The following ZNF843 variants were observed in gnomAD, a reference collection of about 807,000 sequenced individuals.
ZNF843 encodes the protein zinc finger protein 843.
For synonymous variants in ZNF843, 185 were observed against 207.7 expected, an observed-to-expected ratio of 0.89 and a Z score of 0.94; for missense variants, 482 against 469.4, an observed-to-expected ratio of 1.03 and a Z score of -0.25.
chr16:31,440,344 C>T (rs942858741), intron 1 of ZNF843, among the ~76,000 whole-genome samples: 3 of 152,234 alleles, frequency 2.0e-5, no homozygotes, highest in African/African-American at 7.2e-5. Flanking sequence ...GCTTTGCCAA[C>T]ATGCATATGC....
At chr16:31,440,960 T>C (rs1199243811) in intron 1 of ZNF843, among the ~76,000 whole-genome samples, 1 of 152,240 alleles carries the variant, frequency 6.6e-6, no homozygotes, top group East Asian at 1.9e-4. Flanking sequence ...CCTGTGACTA[T>C]AACTCCTCTC....
Position 31,437,066 on chromosome 16 carries a change from C to T in ZNF843, c.-217G>A, listed in dbSNP as rs578085367. 5 of 553,930 alleles carry T rather than the reference C, an allele frequency of 9.0e-6. No individual in the cohort carries two copies. Among genetic ancestry groups the T allele is most frequent in the African/African-American group, 3.8e-5 (2 of 53,034 alleles). The allele number at this position is 553,930 out of a possible 1,614,324, so 34.3% of individuals were successfully genotyped here. On this transcript the variant is annotated 5_prime_UTR_variant, in exon 2 of 2. Transcript: ENST00000315678. ...ATCTGAAGGTGTTTCTTGAGGCTCT[C>T]GGGCATGTCCCTGGGTGTTCCCCAT...
At chr16:31,439,582 A>G (rs1404590441) in intron 1 of ZNF843, among the ~76,000 whole-genome samples, 1 of 152,244 alleles carries the variant, frequency 6.6e-6, no homozygotes, top group East Asian at 1.9e-4. Flanking sequence ...ACCTGCAAGC[A>G]ATGGATGAAT....
Position 31,436,049 on chromosome 16 carries a change from C to T in ZNF843, c.801G>A (p.Met267Ile). 1.3e-6 allele frequency: 2 copies of T among 1,542,728 alleles called. No homozygotes were observed. The highest frequency in any genetic ancestry group is 1.8e-4 in the Middle Eastern group (1 of 5,516). The change falls in exon 2 of 2, where the codon ATG (methionine) becomes ATA (isoleucine). Residue 267 changes from methionine (M) to isoleucine (I), a missense_variant. By Grantham distance (10) the Met-to-Ile change is conservative (BLOSUM62 1). Coordinates refer to ENST00000315678, the MANE Select transcript of ZNF843 (RefSeq NM_001136509.3). The stretch of plus-strand genomic sequence containing the variant: ...CCGCGCTCGCACAGCTTCTGGGCCC[C>T]ATCGCCCCCTCCTGCTGAGCTGCCG... ...TQPAAQQEGAMGPRSCASAGR... is the reference protein window; with the variant it reads ...TQPAAQQEGAIGPRSCASAGR...
Position 31,436,372 on chromosome 16 carries a change from G to A in ZNF843, c.478C>T (p.Leu160Phe), listed in dbSNP as rs1429888783. ...CGDSVNEKTS[L>F]SQRVLPHPGE... ...GGGTGCGGAAGGACGCGCTGGGAGAGGGAGGTCTTCTCATTGACACTGTCA... is the reference window on the plus strand; with the variant it reads ...GGGTGCGGAAGGACGCGCTGGGAGAAGGAGGTCTTCTCATTGACACTGTCA... The change falls in exon 2 of 2, where the codon CTC (leucine) becomes TTC (phenylalanine). Residue 160 changes from leucine (L) to phenylalanine (F), a missense_variant. Physicochemically the swap from Leu to Phe is conservative, Grantham distance 22. Transcript: ENST00000315678. 3.9e-6 allele frequency: 6 copies of A among 1,548,148 alleles called. No individual in the cohort carries two copies. Among genetic ancestry groups the A allele is most frequent in the Non-Finnish European group, 5.2e-6 (6 of 1,144,760 alleles).
chr16:31,435,861 A>G lies in ZNF843; in HGVS notation c.989T>C (p.Leu330Pro). Reference protein sequence around the residue: ...PPSNPHWRGALPVFPVWKASS... With the variant: ...PPSNPHWRGAPPVFPVWKASS... ...GGCCTTCCACACCGGAAACACTGGT[A>G]GGGCTCCTCTCCAGTGTGGGTTCGA... The change falls in exon 2 of 2, where the codon CTA (leucine) becomes CCA (proline). Residue 330 changes from leucine (L) to proline (P), a missense_variant. Physicochemically the swap from Leu to Pro is moderately conservative, Grantham distance 98 (BLOSUM62 -3). Coordinates refer to ENST00000315678, the MANE Select transcript of ZNF843 (RefSeq NM_001136509.3). 1 of 1,508,302 alleles carries G rather than the reference A, an allele frequency of 6.6e-7. No individual in the cohort carries two copies. Among genetic ancestry groups the G allele is most frequent in the South Asian group, 1.3e-5 (1 of 78,026 alleles). The allele number at this position is 1,508,302 out of a possible 1,614,324, so 93.4% of individuals were successfully genotyped here. A position where few individuals can be genotyped will look rare whatever the true frequency, so the allele number is the denominator to read the frequency against.
At position 31,435,646 on chromosome 16, in the gene ZNF843, A is replaced by C. The variant is rs2082175770; in HGVS notation, c.*157T>G. On this transcript the variant is annotated 3_prime_UTR_variant, in exon 2 of 2. Coordinates refer to ENST00000315678, the MANE Select transcript of ZNF843 (RefSeq NM_001136509.3). ...AAAGGAGCGAGAATTCAGGGGAAAA[A>C]AAACAAACAAAATAGCCCCCAGCAC... The C allele has an allele frequency of 7.0e-6, 5 of 710,922 alleles. No individual in the cohort carries two copies. The highest frequency in any genetic ancestry group is 3.6e-5 in the South Asian group (1 of 28,072). 44.0% of individuals were successfully genotyped at this position (710,922 alleles called of 1,614,324 possible).
At chr16:31,438,326 A>G (rs939702981) in intron 1 of ZNF843, among the ~76,000 whole-genome samples, 3 of 152,104 alleles carry the variant, frequency 2.0e-5, no homozygotes, top group African/African-American at 7.2e-5. Flanking sequence ...CCATATTGAA[A>G]CTCTTTTTTA....
At chr16:31,442,024 G>C (rs1313020048) in intron 1 of ZNF843, among the ~76,000 whole-genome samples, 2 of 152,262 alleles carry the variant, frequency 1.3e-5, no homozygotes, top group Non-Finnish European at 2.9e-5. Flanking sequence ...CTCCGGGACG[G>C]GGGAGGCGGC....
intron 1 of ZNF843, among the ~76,000 whole-genome samples, chr16:31,438,044 G>A (rs189819638): frequency 7.2e-5 from 11 of 152,196 alleles, no homozygotes; most frequent in Admixed American, 1.3e-4. Context: ...GAGGCTGGGC[G>A]CAGTGGCTCA....
intron 1 of ZNF843, among the ~76,000 whole-genome samples, chr16:31,439,440 C>T (rs2082194189): frequency 6.6e-6 from 1 of 152,214 alleles, no homozygotes; most frequent in African/African-American, 2.4e-5. Context: ...AAGACTTTTT[C>T]ACAAATGTGC....
intron 1 of ZNF843, among the ~76,000 whole-genome samples, chr16:31,439,288 C>T (rs1037314472): frequency 2.0e-4 from 31 of 152,198 alleles, no homozygotes; most frequent in African/African-American, 7.5e-4. Context: ...GAGTCTCACA[C>T]ATTGCTGGGG....
At position 31,435,756 on chromosome 16, in the gene ZNF843, A is replaced by C. The variant is rs1034309142; in HGVS notation, c.*47T>G. 1.5e-5 allele frequency: 21 copies of C among 1,434,634 alleles called. No homozygotes were observed. In the African/African-American group the frequency reaches 2.8e-4, roughly 19 times the overall value. The allele number at this position is 1,434,634 out of a possible 1,614,324, so 88.9% of individuals were successfully genotyped here. A position where few individuals can be genotyped will look rare whatever the true frequency, so the allele number is the denominator to read the frequency against. The stretch of plus-strand genomic sequence containing the variant: ...GGACTGCATCTCAGATCCACAGTCC[A>C]CCGGCGGCTGCAACAATTCCACCCA... On this transcript the variant is annotated 3_prime_UTR_variant, in exon 2 of 2. Coordinates refer to ENST00000315678, the MANE Select transcript of ZNF843 (RefSeq NM_001136509.3).
rs1052954078 is a variant in ZNF843, at chr16:31,435,669, C to G, written c.*134G>C. Reference sequence around the variant, plus strand: ...AAAAAACAAACAAAATAGCCCCCAGCACTTCTGAGAAAGATCTGCCATACA... The same window carrying G: ...AAAAAACAAACAAAATAGCCCCCAGGACTTCTGAGAAAGATCTGCCATACA... On this transcript the variant is annotated 3_prime_UTR_variant, in exon 2 of 2. Transcript: ENST00000315678. 1 of 815,752 alleles carries G rather than the reference C, an allele frequency of 1.2e-6. No homozygotes were observed. The highest frequency in any genetic ancestry group is 1.8e-5 in the African/African-American group (1 of 55,574). 50.5% of individuals were successfully genotyped at this position (815,752 alleles called of 1,614,324 possible).
intron 1 of ZNF843, among the ~76,000 whole-genome samples, chr16:31,440,709 A>AT (rs2082198548): frequency 6.6e-6 from 1 of 152,196 alleles, no homozygotes; most frequent in Non-Finnish European, 1.5e-5. Context: ...TCTGGCCTCG[A>AT]TAAAGCAGCA....
chr16:31,436,577 A>G lies in ZNF843; in HGVS notation c.273T>C (p.Ser91=), dbSNP rs2142882626. ...CGCTAAACCCTTGCCGCACTCCCGC[A>G]GACGAATGGCTTCTCCCGAGTGGAC... The part of the protein sequence containing the change: ...PASPLGRSHS[S]AGVRQGFSGQ... The change falls in exon 2 of 2, where the codon TCT becomes TCC. Residue 91 remains serine (S), a synonymous_variant. Transcript: ENST00000315678. 2 of 1,550,978 alleles carry G rather than the reference A, an allele frequency of 1.3e-6. No homozygotes were observed. Among genetic ancestry groups the G allele is most frequent in the East Asian group, 2.4e-5 (1 of 40,880 alleles).
intron 1 of ZNF843, among the ~76,000 whole-genome samples, chr16:31,437,630 T>C (rs1487346504): frequency 6.7e-6 from 1 of 149,298 alleles, no homozygotes; most frequent in African/African-American, 2.5e-5. Flanking sequence ...TTTTTTTTTT[T>C]TTTTTTTTGA....
chr16:31,439,534 A>G (rs59137066), intron 1 of ZNF843, among the ~76,000 whole-genome samples: 10,120 of 152,300 alleles, frequency 0.066, 1,108 homozygotes, highest in African/African-American at 0.23. Context: ...TGGTTTACCC[A>G]TGTAACAGAA....
intron 1 of ZNF843, among the ~76,000 whole-genome samples, chr16:31,441,660 TA>T (rs1242325729): frequency 6.6e-6 from 1 of 151,590 alleles, no homozygotes; most frequent in African/African-American, 2.4e-5. Flanking sequence ...TTTTTTTTTT[TA>T]AATAATTAGT....
Sources: gnomAD v4.1 joint callset for allele counts (sites outside exome capture counted in the v4.1 genomes callset) on GRCh38, gnomAD v4.1.1 for gene constraint, MANE v1.5 for transcripts, NCBI Gene and HGNC (gene_info 2026-07-23, HGNC 2026-07-21) for gene names.